The following RAP1GDS1 variants were observed in gnomAD, a reference collection of about 807,000 sequenced individuals.
The protein encoded by RAP1GDS1 is RAP1, GTP-GDP dissociation stimulator 1.
RAP1GDS1 carries 35 observed loss-of-function variants against 71.1 expected under a neutral mutation model. The ratio of observed to expected loss-of-function variants is 0.49; its 90% CI spans 0.38 to 0.65. RAP1GDS1 has a LOEUF of 0.65. Among genes scored for constraint, RAP1GDS1 ranks in the 30% least tolerant of loss-of-function variants. The pLI is 0.00. For missense variants in RAP1GDS1, 663 were observed against 706.1 expected, an observed-to-expected ratio of 0.94 and a Z score of 0.69; for synonymous variants, 229 against 243.1, an observed-to-expected ratio of 0.94 and a Z score of 0.54.
At chr4:98,427,999 C>A (rs998096953) in intron 12 of RAP1GDS1, among the ~76,000 whole-genome samples, 20 of 152,124 alleles carry the variant, frequency 1.3e-4, no homozygotes, top group Middle Eastern at 3.4e-3. Context: ...GGTAGTGGTA[C>A]AAAAATAGGC....
intron 2 of RAP1GDS1, among the ~76,000 whole-genome samples, chr4:98,328,972 G>C (rs1340552163): frequency 2.0e-5 from 3 of 152,230 alleles, no homozygotes; most frequent in South Asian, 2.1e-4. Flanking sequence ...CACTCTTAAG[G>C]TTCCTGAGCT....
intron 1 of RAP1GDS1, among the ~76,000 whole-genome samples, chr4:98,273,961 T>A (rs1723852181): frequency 6.6e-6 from 1 of 152,158 alleles, no homozygotes; most frequent in South Asian, 2.1e-4. Context: ...GCAGGAACTA[T>A]AGTTTGAACT....
At chr4:98,329,701 A>G (rs1045383368) in intron 2 of RAP1GDS1, among the ~76,000 whole-genome samples, 7 of 151,312 alleles carry the variant, frequency 4.6e-5, no homozygotes, top group Admixed American at 4.0e-4. Context: ...AGGCAGGAGA[A>G]TCACTTGAAC....
At chr4:98,409,863 G>A (rs1746757594) in intron 7 of RAP1GDS1, 1 of 180,076 alleles carries the variant, frequency 5.6e-6, no homozygotes, top group Non-Finnish European at 1.2e-5. Flanking sequence ...AACTTCAGAG[G>A]GTTTATCTTA....
At chr4:98,440,953 A>G (rs890106827) in intron 14 of RAP1GDS1, among the ~76,000 whole-genome samples, 1 of 152,232 alleles carries the variant, frequency 6.6e-6, no homozygotes, top group Non-Finnish European at 1.5e-5. Flanking sequence ...TTGGCCTCCC[A>G]AAGTGCTGGG....
chr4:98,328,411 C>A (rs1328134848), intron 2 of RAP1GDS1, among the ~76,000 whole-genome samples: 1 of 152,194 alleles, frequency 6.6e-6, no homozygotes, highest in African/African-American at 2.4e-5. Flanking sequence ...AAAAATGTCA[C>A]CTCCTTGTCT....
chr4:98,326,612 A>T lies in RAP1GDS1; in HGVS notation c.113-16527A>T, dbSNP rs1332173887. On this transcript the variant is annotated intron_variant, in intron 2 of 14. Coordinates refer to ENST00000408927, the MANE Select transcript of RAP1GDS1 (RefSeq NM_001100427.2). The stretch of plus-strand genomic sequence containing the variant: ...ATGCCCTGTGTTTCTACATTTATTT[A>T]TTTTTTCTTTATTAATGCTTAAATT... Among the ~76,000 whole-genome samples the T allele has an allele frequency of 3.3e-5, 5 of 151,704 alleles. No homozygotes were observed. The East Asian group carries it at 7.7e-4, about 23-fold the overall frequency.
In RAP1GDS1 at chr4:98,442,028, G is replaced by A; in HGVS notation, c.1735G>A (p.Asp579Asn). 6.2e-7 allele frequency: 1 copy of A among 1,613,964 alleles called. No homozygotes were observed. The highest frequency in any genetic ancestry group is 8.5e-7 in the Non-Finnish European group (1 of 1,179,994). Residue 579 changes from aspartate to asparagine, a missense_variant, in exon 15 of 15, where the codon GAT (aspartate) becomes AAT (asparagine). By Grantham distance (23) the Asp-to-Asn change is conservative. Coordinates refer to ENST00000408927, the MANE Select transcript of RAP1GDS1 (RefSeq NM_001100427.2). ...HKEVQDLAFL[D>N]VVSKLRSHEN... The stretch of plus-strand genomic sequence containing the variant: ...GGAAGTACAGGATTTGGCTTTTCTA[G>A]ATGTCGTATCCAAACTTCGCAGTCA...
At chr4:98,417,557 T>C in intron 9 of RAP1GDS1, 59 bp downstream of exon 9, 1 of 1,536,150 alleles carries the variant, frequency 6.5e-7, no homozygotes, top group Non-Finnish European at 8.9e-7. Flanking sequence ...TATTTTTGCT[T>C]TGCTACCACA....
At chr4:98,279,262 G>T (rs976055343) in intron 1 of RAP1GDS1, among the ~76,000 whole-genome samples, 1 of 151,646 alleles carries the variant, frequency 6.6e-6, no homozygotes, top group Non-Finnish European at 1.5e-5. Flanking sequence ...AATAATAATA[G>T]GGCCACTATA....
At chr4:98,317,822 A>T (rs1379552224) in intron 2 of RAP1GDS1, among the ~76,000 whole-genome samples, 3 of 148,192 alleles carry the variant, frequency 2.0e-5, no homozygotes, top group African/African-American at 5.0e-5. Context: ...CTATATATAT[A>T]TATATTTTTT....
Position 98,373,328 on chromosome 4 carries a change from G to GT in RAP1GDS1, c.362-5682dup, listed in dbSNP as rs564999735. On this transcript the variant is annotated intron_variant, in intron 4 of 14. Transcript: ENST00000408927. ...GTCTGCTTTATTTCTTATTTTTTCT[G>GT]TTTTTTTCCCCCTTCCGGCTGCCTT... 1.9e-3 allele frequency among the ~76,000 whole-genome samples: 285 copies of GT among 151,662 alleles called. 3 individuals are homozygous for GT. Among genetic ancestry groups the GT allele is most frequent in the Middle Eastern group, 0.01 (3 of 294 alleles).
intron 12 of RAP1GDS1, 104 bp downstream of exon 12, chr4:98,421,498 T>C (rs1748852212): frequency 4.9e-6 from 6 of 1,215,340 alleles, no homozygotes; most frequent in African/African-American, 1.5e-5. Context: ...CCTGAAAGTA[T>C]TGTGAAGATT....
chr4:98,280,321 T>G (rs377238379), intron 1 of RAP1GDS1, among the ~76,000 whole-genome samples: 1 of 152,254 alleles, frequency 6.6e-6, no homozygotes, highest in African/African-American at 2.4e-5. Context: ...TGAGATGGTA[T>G]CTCATTGTGG....
At chr4:98,289,854 A>G (rs868417724) in intron 1 of RAP1GDS1, among the ~76,000 whole-genome samples, 1 of 152,056 alleles carries the variant, frequency 6.6e-6, no homozygotes, top group African/African-American at 2.4e-5. Context: ...TCTTCCATTC[A>G]TGCATTGGCT....
intron 2 of RAP1GDS1, among the ~76,000 whole-genome samples, chr4:98,324,682 A>G (rs561250827): frequency 7.0e-6 from 1 of 143,830 alleles, no homozygotes; most frequent in Non-Finnish European, 1.5e-5. Flanking sequence ...AGGATTCCCT[A>G]TTTAATAAAT....
chr4:98,334,064 T>A (rs768133544), intron 2 of RAP1GDS1, among the ~76,000 whole-genome samples: 1 of 152,174 alleles, frequency 6.6e-6, no homozygotes. Context: ...TTATCAAAGT[T>A]TTTTTAAGTC....
At chr4:98,377,628 T>TTGTGTGTGTG (rs58691883) in intron 4 of RAP1GDS1, among the ~76,000 whole-genome samples, 9,750 of 149,320 alleles carry the variant, frequency 0.065, 338 homozygotes, top group Admixed American at 0.13. Context: ...TACTATATAA[T>TTGTGTGTGTG]TGTGTGTGTG....
chr4:98,407,843 T>C (rs1363697854), intron 7 of RAP1GDS1, among the ~76,000 whole-genome samples: 2 of 151,482 alleles, frequency 1.3e-5, no homozygotes, highest in Admixed American at 1.3e-4. Context: ...AAAAAAATAA[T>C]AATAAGCAGA....
Sources: gnomAD v4.1 joint callset for allele counts (sites outside exome capture counted in the v4.1 genomes callset) on GRCh38, gnomAD v4.1.1 for gene constraint, MANE v1.5 for transcripts, NCBI Gene and HGNC (gene_info 2026-07-23, HGNC 2026-07-21) for gene names.